Variants in PP2D1 observed in about 807,000 individuals in gnomAD.
PP2D1 encodes protein phosphatase 2C-like domain-containing protein 1.
Under a neutral mutation model 30.2 loss-of-function variants are expected in PP2D1, and 25 were observed. The ratio of observed to expected loss-of-function variants is 0.83; its 90% CI spans 0.60 to 1.16. PP2D1 has a LOEUF of 1.16. Among genes scored for constraint, PP2D1 ranks in the 50% most tolerant of loss-of-function variants. The pLI, the probability that PP2D1 is intolerant of heterozygous loss-of-function variation, is 0.00. For missense variants in PP2D1, 760 were observed against 742.4 expected, an observed-to-expected ratio of 1.02 and a Z score of -0.28; for synonymous variants, 260 against 258.9, an observed-to-expected ratio of 1.00 and a Z score of -0.04.
chr3:19,984,317 C>G, downstream of PP2D1: 1 of 415,160 alleles, frequency 2.4e-6, no homozygotes, highest in South Asian at 1.7e-5. Flanking sequence ...AATGTACATT[C>G]CACATTTTAA....
chr3:19,997,841 G>C (rs899461279), intron 2 of PP2D1, among the ~76,000 whole-genome samples: 6 of 152,058 alleles, frequency 3.9e-5, no homozygotes, highest in Non-Finnish European at 7.4e-5. Context: ...CAGAATGATG[G>C]TTACCAAAGA....
chr3:20,010,812 G>T (rs1302561772), intron 1 of PP2D1, among the ~76,000 whole-genome samples: 1 of 151,622 alleles, frequency 6.6e-6, no homozygotes, highest in Non-Finnish European at 1.5e-5. Flanking sequence ...CAGAATAAAT[G>T]AATAAATAAA....
chr3:20,001,579 A>G lies in PP2D1; in HGVS notation c.541T>C (p.Trp181Arg), dbSNP rs757795617. The change falls in exon 2 of 3, where the codon TGG (tryptophan) becomes CGG (arginine). Residue 181 changes from tryptophan to arginine, a missense_variant. Transcript: ENST00000389050. ...AATTTATCATTCATGTCAGCTTTCCATGTAGAATTCCTGTCTTCACAAATG... is the reference window on the plus strand; with the variant it reads ...AATTTATCATTCATGTCAGCTTTCCGTGTAGAATTCCTGTCTTCACAAATG... ...VGICEDRNST[W>R]KADMNDKFTV... is the part of the protein sequence containing the mutation. The G allele has an allele frequency of 3.3e-6, 5 of 1,536,394 alleles. No homozygotes were observed. The South Asian group carries it at 5.9e-5, about 18-fold the overall frequency.
At chr3:19,983,889 G>T, downstream of PP2D1, 9 of 1,090,192 alleles carry the variant, frequency 8.3e-6, no homozygotes, top group Non-Finnish European at 1.1e-5. Flanking sequence ...TGGAATTGGA[G>T]CATTTAACCA....
At chr3:20,003,443 T>G (rs575094466) in intron 1 of PP2D1, among the ~76,000 whole-genome samples, 1 of 151,860 alleles carries the variant, frequency 6.6e-6, no homozygotes, top group South Asian at 2.1e-4. Context: ...TTTTAATTTT[T>G]TAATAAAAAT....
At chr3:19,983,701 C>T (rs1272671017), downstream of PP2D1, 1 of 1,553,212 alleles carries the variant, frequency 6.4e-7, no homozygotes, top group African/African-American at 1.4e-5. Context: ...TGATCATTTT[C>T]TTTCAGCTAA....
intron 1 of PP2D1, among the ~76,000 whole-genome samples, chr3:20,011,028 C>T (rs962046545): frequency 1.3e-5 from 2 of 151,966 alleles, no homozygotes; most frequent in African/African-American, 2.4e-5. Context: ...TGTGCCCAAC[C>T]GGGAACCTAG....
chr3:19,987,770 G>A (rs753294067), intron 2 of PP2D1, among the ~76,000 whole-genome samples: 4 of 152,144 alleles, frequency 2.6e-5, no homozygotes, highest in Non-Finnish European at 5.9e-5. Context: ...AAATTAGTCG[G>A]GCGTTGTTGC....
intron 1 of PP2D1, among the ~76,000 whole-genome samples, chr3:20,005,340 C>T (rs1697306132): frequency 6.6e-6 from 1 of 151,796 alleles, no homozygotes; most frequent in South Asian, 2.1e-4. Flanking sequence ...TTAGTAGAGA[C>T]AGTGTTTCTC....
intron 2 of PP2D1, among the ~76,000 whole-genome samples, chr3:19,990,578 A>G (rs1697104592): frequency 6.6e-6 from 1 of 152,220 alleles, no homozygotes; most frequent in South Asian, 2.1e-4. Flanking sequence ...GAAGACTACT[A>G]ATGGAACGAA....
At chr3:19,984,002 T>A, downstream of PP2D1, 1 of 553,972 alleles carries the variant, frequency 1.8e-6, no homozygotes, top group South Asian at 2.1e-5. Context: ...CATGCATGGG[T>A]CCCTCTCACT....
downstream of PP2D1, among the ~76,000 whole-genome samples, chr3:19,982,005 G>T (rs117053266): frequency 6.6e-6 from 1 of 152,008 alleles, no homozygotes; most frequent in East Asian, 1.9e-4. Context: ...TACTTTGAGA[G>T]GCCACGGTGG....
At chr3:20,002,777 C>G (rs541250064) in intron 1 of PP2D1, among the ~76,000 whole-genome samples, 1 of 151,594 alleles carries the variant, frequency 6.6e-6, no homozygotes, top group Admixed American at 6.6e-5. Flanking sequence ...AAAACTAGTT[C>G]GGGCGCGGTG....
chr3:20,004,388 A>C (rs1697293008), intron 1 of PP2D1, among the ~76,000 whole-genome samples: 1 of 152,226 alleles, frequency 6.6e-6, no homozygotes, highest in Non-Finnish European at 1.5e-5. Context: ...TGCACTTCTC[A>C]GAAAGTATCC....
intron 2 of PP2D1, among the ~76,000 whole-genome samples, chr3:19,999,908 A>C (rs1697230895): frequency 6.6e-6 from 1 of 152,208 alleles, no homozygotes; most frequent in African/African-American, 2.4e-5. Context: ...ACTGTGAGGC[A>C]GTGGACATGC....
intron 2 of PP2D1, among the ~76,000 whole-genome samples, chr3:19,988,825 T>C (rs2125138150): frequency 6.6e-6 from 1 of 151,978 alleles, no homozygotes; most frequent in African/African-American, 2.4e-5. Flanking sequence ...ATATTGGGGG[T>C]GGTTCCCCCG....
chr3:19,987,755 C>A (rs1420517079), intron 2 of PP2D1, among the ~76,000 whole-genome samples: 5 of 152,094 alleles, frequency 3.3e-5, no homozygotes, highest in African/African-American at 1.2e-4. Context: ...ACTAAAAACA[C>A]AAAAAAATTA....
At chr3:19,989,443 T>TTA (rs1243982024) in intron 2 of PP2D1, among the ~76,000 whole-genome samples, 1 of 152,216 alleles carries the variant, frequency 6.6e-6, no homozygotes, top group African/African-American at 2.4e-5. Flanking sequence ...AAGATGGTGT[T>TTA]TGTGAAAAAC....
chr3:20,002,382 T>A (rs964570952), intron 1 of PP2D1, among the ~76,000 whole-genome samples: 14 of 152,210 alleles, frequency 9.2e-5, no homozygotes, highest in Admixed American at 3.3e-4. Flanking sequence ...CATGCGAAAG[T>A]ATGTATTTGA....
Sources: allele counts gnomAD v4.1 joint callset (sites outside exome capture counted in the v4.1 genomes callset), GRCh38; gene constraint gnomAD v4.1.1; transcripts MANE v1.5; gene names NCBI Gene and HGNC (gene_info 2026-07-23, HGNC 2026-07-21).